CTCF: variants seen among roughly 807,000 people sequenced by gnomAD.
CTCF encodes the protein CCCTC-binding factor.
Under a neutral mutation model 72.3 loss-of-function variants are expected in CTCF, and 7 were observed. The ratio of observed to expected loss-of-function variants is 0.10; its 90% confidence interval spans 0.06 to 0.18. CTCF has a LOEUF of 0.18. Among genes scored for constraint, CTCF ranks in the 10% least tolerant of loss-of-function variants. The pLI is 1.00. For missense variants in CTCF, 516 were observed against 949.1 expected, an observed-to-expected ratio of 0.54 and a Z score of 6.00; for synonymous variants, 374 against 315.8, an observed-to-expected ratio of 1.18 and a Z score of -1.95.
At chr16:67,618,438 A>G (rs1455607109) in intron 5 of CTCF, among the ~76,000 whole-genome samples, 1 of 152,222 alleles carries the variant, frequency 6.6e-6, no homozygotes, top group Non-Finnish European at 1.5e-5. Context: ...AGAAATGTAT[A>G]ATAAACTCAT....
intron 2 of CTCF, among the ~76,000 whole-genome samples, chr16:67,573,106 G>C (rs897585497): frequency 6.6e-6 from 1 of 151,958 alleles, no homozygotes; most frequent in South Asian, 2.1e-4. Flanking sequence ...CAAAAAATTA[G>C]CTGGGTGTAG....
At position 67,562,579 on chromosome 16, in the gene CTCF, C is replaced by G. The variant is rs149012671; in HGVS notation, c.-272C>G. On this transcript the variant is annotated 5_prime_UTR_variant, in exon 1 of 12. Transcript: ENST00000264010. Reference sequence around the variant, plus strand: ...CCATTTTGTGTCTGAGCCTGTGGAGCGATTAAACCGTGCGCGGAGCTGCTT... The same window carrying G: ...CCATTTTGTGTCTGAGCCTGTGGAGGGATTAAACCGTGCGCGGAGCTGCTT... 4,659 of 152,096 alleles carry G rather than the reference C, an allele frequency of 0.031. 88 individuals are homozygous for G. The highest frequency in any genetic ancestry group is 0.13 in the Middle Eastern group (39 of 296). 9.4% of individuals were successfully genotyped at this position (152,096 alleles called of 1,614,324 possible). A position where few individuals can be genotyped will look rare whatever the true frequency, so the allele number is the denominator to read the frequency against.
chr16:67,564,556 ATAGT>A (rs750469142), intron 1 of CTCF, among the ~76,000 whole-genome samples: 2 of 152,240 alleles, frequency 1.3e-5, no homozygotes, highest in Non-Finnish European at 2.9e-5. Flanking sequence ...GCGTTGATTG[ATAGT>A]TAGACTTGGG....
chr16:67,578,735 G>A (rs1343157888), intron 2 of CTCF, among the ~76,000 whole-genome samples: 2 of 149,058 alleles, frequency 1.3e-5, no homozygotes, highest in Non-Finnish European at 3.0e-5. Context: ...ATCACCTGAG[G>A]TCAGGAATTC....
chr16:67,610,814 CT>C lies in CTCF; in HGVS notation c.-9-8del, dbSNP rs752057861. On this transcript the variant is annotated splice_polypyrimidine_tract_variant and intron_variant, in intron 2 of 11. Coordinates refer to ENST00000264010, the MANE Select transcript of CTCF (RefSeq NM_006565.4). ...CTTTAAATAACAATCTGTGTTCTCC[CT>C]TAATAAAGGCAGGGGAAATGGAAGG... 4.1e-6 allele frequency: 6 copies of C among 1,452,638 alleles called. No individual in the cohort carries two copies. In the East Asian group the frequency reaches 1.4e-4, roughly 34 times the overall value. The allele number at this position is 1,452,638 out of a possible 1,614,324, so 90.0% of individuals were successfully genotyped here.
intron 1 of CTCF, chr16:67,568,586 A>C (rs1158024257): frequency 1.3e-5 from 2 of 152,230 alleles, no homozygotes; most frequent in African/African-American, 4.8e-5. Flanking sequence ...ACTGGGTTTC[A>C]CCACGTTGGC....
chr16:67,576,428 T>C (rs983566735), intron 2 of CTCF, among the ~76,000 whole-genome samples: 11 of 151,770 alleles, frequency 7.2e-5, no homozygotes, highest in African/African-American at 2.2e-4. Flanking sequence ...GTTTGTGTAA[T>C]TTTTTTTAAT....
intron 1 of CTCF, among the ~76,000 whole-genome samples, chr16:67,566,386 T>C (rs535224796): frequency 6.6e-6 from 1 of 151,608 alleles, no homozygotes; most frequent in South Asian, 2.1e-4. Flanking sequence ...TGTCTGTTTC[T>C]GTAATCCCAG....
chr16:67,596,904 T>C (rs2051822871), intron 2 of CTCF, among the ~76,000 whole-genome samples: 1 of 152,188 alleles, frequency 6.6e-6, no homozygotes, highest in Non-Finnish European at 1.5e-5. Context: ...TTTAATTTTA[T>C]TTTATGGTGC....
At chr16:67,613,299 T>C (rs1168824518) in intron 4 of CTCF, among the ~76,000 whole-genome samples, 1 of 152,244 alleles carries the variant, frequency 6.6e-6, no homozygotes, top group East Asian at 1.9e-4. Flanking sequence ...AAATTTCTAA[T>C]GACAACCCTT....
rs750885577 is a variant in CTCF at position 67,628,432 on chromosome 16, C to T, written c.1581C>T (p.His527=). ...GGGAGAAGCCTTACGCCTGCAGCCA[C>T]TGCGATAAGACCTTCCGCCAGAAGC... The part of the protein sequence containing the change: ...HTGEKPYACS[H]CDKTFRQKQL... Residue 527 remains histidine, a synonymous_variant, in exon 9 of 12, where the codon CAC becomes CAT. Coordinates refer to ENST00000264010, the MANE Select transcript of CTCF (RefSeq NM_006565.4). The T allele has an allele frequency of 6.2e-7, 1 of 1,614,092 alleles. No homozygotes were observed. Among genetic ancestry groups the T allele is most frequent in the Non-Finnish European group, 8.5e-7 (1 of 1,180,052 alleles).
Position 67,638,453 on chromosome 16 carries a change from T to C in CTCF, c.*581T>C. The stretch of plus-strand genomic sequence containing the variant: ...ATAACTTTTTTTACATTTTAATCTT[T>C]TCCATTAATTAAGAGGTTGAAAAGA... On this transcript the variant is annotated 3_prime_UTR_variant, in exon 12 of 12. Transcript: ENST00000264010. 1 of 223,952 alleles carries C rather than the reference T, an allele frequency of 4.5e-6. No homozygotes were observed. The highest frequency in any genetic ancestry group is 8.9e-6 in the Non-Finnish European group (1 of 111,968). The allele number at this position is 223,952 out of a possible 1,614,324, so 13.9% of individuals were successfully genotyped here.
At chr16:67,624,880 C>T (rs757628954) in intron 7 of CTCF, among the ~76,000 whole-genome samples, 1 of 151,824 alleles carries the variant, frequency 6.6e-6, no homozygotes, top group Admixed American at 6.6e-5. Context: ...AGGTGTGAGC[C>T]ACCACACCTG....
At chr16:67,577,885 C>T (rs1237317235) in intron 2 of CTCF, among the ~76,000 whole-genome samples, 1 of 152,160 alleles carries the variant, frequency 6.6e-6, no homozygotes, top group Non-Finnish European at 1.5e-5. Context: ...GCAGTTCTTG[C>T]AGTGATCCTC....
intron 2 of CTCF, among the ~76,000 whole-genome samples, chr16:67,582,203 T>TC (rs2051592770): frequency 6.9e-6 from 1 of 144,240 alleles, no homozygotes; most frequent in Admixed American, 6.9e-5. Flanking sequence ...AGAGCAAGAC[T>TC]CCGTCTCAAA....
rs113010840 is a variant in CTCF at position 67,576,853 on chromosome 16, A to T, written c.-10+5589A>T. Among the ~76,000 whole-genome samples, 15 of 152,256 alleles carry T rather than the reference A, an allele frequency of 9.9e-5. 1 individual carries two copies. The highest frequency in any genetic ancestry group is 3.6e-4 in the African/African-American group (15 of 41,564). On this transcript the variant is annotated intron_variant, in intron 2 of 11. Coordinates refer to ENST00000264010, the MANE Select transcript of CTCF (RefSeq NM_006565.4). Reference sequence around the variant, plus strand: ...CCTTATAATAGAATGTTGTGTAGCCATTATGTATAAAAAATATGTTGAAAT... The same window carrying T: ...CCTTATAATAGAATGTTGTGTAGCCTTTATGTATAAAAAATATGTTGAAAT...
At chr16:67,611,721 T>C in intron 3 of CTCF, 108 bp downstream of exon 3, 1 of 1,148,832 alleles carries the variant, frequency 8.7e-7, no homozygotes, top group Non-Finnish European at 1.2e-6. Context: ...AAAAGGTCGT[T>C]ATGTGGGTAC....
intron 4 of CTCF, 149 bp from the exon 5 acceptor site, chr16:67,616,596 G>T: frequency 1.2e-6 from 1 of 801,878 alleles, no homozygotes; most frequent in Non-Finnish European, 2.0e-6. Context: ...CATAGTTTTC[G>T]GAGCTGACTT....
At chr16:67,624,151 A>ATG (rs1297380745) in intron 7 of CTCF, among the ~76,000 whole-genome samples, 3 of 142,942 alleles carry the variant, frequency 2.1e-5, no homozygotes, top group African/African-American at 7.8e-5. Flanking sequence ...GTGTGTATAT[A>ATG]TGTGTGTATA....
Sources: allele counts gnomAD v4.1 joint callset (sites outside exome capture counted in the v4.1 genomes callset), GRCh38; gene constraint gnomAD v4.1.1; transcripts MANE v1.5; gene names NCBI Gene and HGNC (gene_info 2026-07-23, HGNC 2026-07-21).